ZNF600: variants seen among roughly 807,000 people sequenced by gnomAD.
ZNF600 encodes the protein zinc finger protein KR-ZNF1.
In ZNF600, 4 loss-of-function variants were observed where a neutral mutation model predicts 7.3. That is an observed-to-expected ratio of 0.55 (90% CI 0.27 to 1.25). The LOEUF is 1.25. ZNF600 is among the 50% of genes most tolerant of loss of function. ZNF600 has a pLI of 0.12. For missense variants in ZNF600, 911 were observed against 922.1 expected (o/e 0.99, Z 0.16); for synonymous variants, 290 against 308.9 (o/e 0.94, Z 0.64).
rs570928658 is a variant in ZNF600 at position 52,777,861 on chromosome 19, T to C, written c.63+965A>G. Among the ~76,000 whole-genome samples, 8 of 152,168 alleles carry C rather than the reference T, an allele frequency of 5.3e-5. No homozygotes were observed. In the South Asian group the frequency reaches 1.0e-3, roughly 20 times the overall value. On this transcript the variant is annotated intron_variant, in intron 2 of 3. Transcript: ENST00000648973. The stretch of plus-strand genomic sequence containing the variant: ...GTAAATAAATAGATAGAGAGATACA[T>C]ATATACATACATACGGTGACCCATG...
upstream of ZNF600, among the ~76,000 whole-genome samples, chr19:52,787,996 C>A (rs2062779876): frequency 6.6e-6 from 1 of 152,126 alleles, no homozygotes; most frequent in South Asian, 2.1e-4. Context: ...ATTCTCTGAT[C>A]TGATCCACAA....
At chr19:52,766,039 G>A (rs760911799) in exon 4 of ZNF600, 49 of 1,613,156 alleles carry the variant, frequency 3.0e-5, no homozygotes, top group Admixed American at 1.0e-4. Context: ...TGAAGTCTAC[G>A]ATGGTGAACA....
At chr19:52,800,827 A>C in the ZNF600 span, 643 of 1,614,028 alleles carry the variant, frequency 4.0e-4, 3 homozygotes, top group African/African-American at 7.7e-3. Flanking sequence ...GCTAGGTATG[A>C]ATTACATGTG....
the ZNF600 span, among the ~76,000 whole-genome samples, chr19:52,808,880 T>G: frequency 6.6e-6 from 1 of 152,046 alleles, no homozygotes; most frequent in Non-Finnish European, 1.5e-5. Context: ...TTCTAAATTT[T>G]CACAAAATAA....
chr19:52,817,303 C>G, the ZNF600 span, among the ~76,000 whole-genome samples: 4 of 151,968 alleles, frequency 2.6e-5, no homozygotes, highest in African/African-American at 9.7e-5. Context: ...ACCCAGGAGG[C>G]GGAGGTTGCG....
intron 3 of ZNF600, among the ~76,000 whole-genome samples, chr19:52,769,181 G>C (rs1004335393): frequency 2.0e-5 from 3 of 151,914 alleles, no homozygotes; most frequent in Admixed American, 2.0e-4. Context: ...CCCTTTCCCC[G>C]GGGGAGTTTA....
intron 2 of ZNF600, 123 bp downstream of exon 4, chr19:52,778,703 T>C (rs1415141139): frequency 7.5e-6 from 10 of 1,329,774 alleles, no homozygotes; most frequent in Non-Finnish European, 1.0e-5. Context: ...AGGGCAGGCA[T>C]GGCTGAGTGT....
the ZNF600 span, chr19:52,800,165 G>A: frequency 6.2e-7 from 1 of 1,613,706 alleles, no homozygotes; most frequent in South Asian, 1.1e-5. Context: ...ATTTGCGACT[G>A]AAAACTTTCT....
At chr19:52,812,150 C>T in the ZNF600 span, among the ~76,000 whole-genome samples, 35 of 124,866 alleles carry the variant, frequency 2.8e-4, 3 homozygotes, top group Non-Finnish European at 4.6e-4. Context: ...GTGGGGGGGT[C>T]AGCCCCCCGC....
chr19:52,798,758 T>G, the ZNF600 span: 2 of 613,624 alleles, frequency 3.3e-6, no homozygotes, highest in Non-Finnish European at 5.8e-6. Flanking sequence ...TCTGTCACAT[T>G]TATTACACTT....
intron 1 of ZNF600, among the ~76,000 whole-genome samples, chr19:52,782,013 A>G (rs2062726135): frequency 6.6e-6 from 1 of 152,008 alleles, no homozygotes; most frequent in Admixed American, 6.6e-5. Flanking sequence ...GTGAGACGAG[A>G]TCGTGCCACT....
At chr19:52,800,623 C>G in the ZNF600 span, 1 of 1,613,266 alleles carries the variant, frequency 6.2e-7, no homozygotes. Flanking sequence ...TATGGTTTCT[C>G]TCCAGTATGA....
upstream of ZNF600, among the ~76,000 whole-genome samples, chr19:52,791,378 T>G (rs1190135542): frequency 2.6e-5 from 4 of 152,012 alleles, no homozygotes; most frequent in African/African-American, 9.7e-5. Flanking sequence ...CAGGCATGGG[T>G]GAGTGCAAGT....
intron 1 of ZNF600, among the ~76,000 whole-genome samples, chr19:52,783,808 T>C (rs1002846556): frequency 6.6e-6 from 1 of 152,134 alleles, no homozygotes; most frequent in African/African-American, 2.4e-5. Context: ...GTTTGTTTTT[T>C]AGACGGAGTT....
At chr19:52,831,310 T>C in the ZNF600 span, among the ~76,000 whole-genome samples, 2 of 152,076 alleles carry the variant, frequency 1.3e-5, no homozygotes, top group African/African-American at 4.8e-5. Flanking sequence ...ACAGGTTTTT[T>C]CTGTTTTCTC....
chr19:52,764,416 T>A (rs1163631507), downstream of ZNF600: 4 of 152,146 alleles, frequency 2.6e-5, no homozygotes, highest in East Asian at 7.7e-4. Flanking sequence ...TTCACCATGT[T>A]AGCCAGGGTG....
At chr19:52,789,226 A>C (rs2062785610), upstream of ZNF600, among the ~76,000 whole-genome samples, 1 of 152,218 alleles carries the variant, frequency 6.6e-6, no homozygotes, top group African/African-American at 2.4e-5. Context: ...GCCCAGGTGA[A>C]GGCCCTGAGA....
At chr19:52,827,555 G>A in the ZNF600 span, among the ~76,000 whole-genome samples, 297 of 151,802 alleles carry the variant, frequency 2.0e-3, 3 homozygotes, top group African/African-American at 6.0e-3. Flanking sequence ...GGAAATTCAC[G>A]TCACTGAGTT....
At chr19:52,824,287 T>A in the ZNF600 span, among the ~76,000 whole-genome samples, 1 of 152,082 alleles carries the variant, frequency 6.6e-6, no homozygotes, top group African/African-American at 2.4e-5. Flanking sequence ...TACAAAGATA[T>A]GTCTACCTGC....
Sources: gnomAD v4.1 joint callset for allele counts (sites outside exome capture counted in the v4.1 genomes callset) on GRCh38, gnomAD v4.1.1 for gene constraint, MANE v1.5 for transcripts, NCBI Gene and HGNC (gene_info 2026-07-23, HGNC 2026-07-21) for gene names.